DHX15: variants seen among roughly 807,000 people sequenced by gnomAD.
DHX15 encodes DEAH-box helicase 15.
DHX15 carries 11 observed loss-of-function variants against 94.4 expected under a neutral mutation model. That is an observed-to-expected ratio of 0.12 (90% CI 0.07 to 0.19). The LOEUF (loss-of-function observed/expected upper bound fraction) is 0.19. Ranked by LOEUF, DHX15 falls within the 10% of genes least tolerant of loss-of-function variation. DHX15 has a pLI of 1.00. For missense variants in DHX15, 304 were observed against 988.5 expected, an observed-to-expected ratio of 0.31 and a Z score of 9.29; for synonymous variants, 338 against 329.9, an observed-to-expected ratio of 1.02 and a Z score of -0.27.
intron 3 of DHX15, among the ~76,000 whole-genome samples, chr4:24,564,399 C>T (rs1461309517): frequency 6.6e-6 from 1 of 152,134 alleles, no homozygotes; most frequent in Admixed American, 6.5e-5. Flanking sequence ...AGAACTTCAA[C>T]CTTAATAGAA....
chr4:24,566,720 G>A (rs1215447203), intron 3 of DHX15, among the ~76,000 whole-genome samples: 6 of 152,174 alleles, frequency 3.9e-5, no homozygotes, highest in Admixed American at 3.9e-4. Context: ...CAGCTACTCG[G>A]GAGGGTGAGG....
intron 10 of DHX15, chr4:24,539,718 T>C (rs889686674): frequency 6.5e-6 from 1 of 154,140 alleles, no homozygotes; most frequent in African/African-American, 2.4e-5. Context: ...TTTCAGTTTG[T>C]CACAGGCACA....
At chr4:24,575,068 G>T (rs1722224881) in intron 2 of DHX15, among the ~76,000 whole-genome samples, 1 of 151,758 alleles carries the variant, frequency 6.6e-6, no homozygotes, top group Admixed American at 6.6e-5. Flanking sequence ...GAGGCAGGAG[G>T]ATCGCTTCAG....
At chr4:24,538,109 T>C (rs549434077) in intron 10 of DHX15, 1 of 152,294 alleles carries the variant, frequency 6.6e-6, no homozygotes, top group South Asian at 2.1e-4. Flanking sequence ...TTTCCTTAAT[T>C]CAGTTTAGCA....
intron 1 of DHX15, among the ~76,000 whole-genome samples, chr4:24,578,726 T>C (rs1292007670): frequency 6.6e-6 from 1 of 151,932 alleles, no homozygotes; most frequent in East Asian, 1.9e-4. Flanking sequence ...CCACCACGCC[T>C]CGCTAATTTC....
At chr4:24,583,990 G>C (rs562916551) in intron 1 of DHX15, among the ~76,000 whole-genome samples, 12 of 152,210 alleles carry the variant, frequency 7.9e-5, no homozygotes, top group East Asian at 1.9e-4. Context: ...CTCGGGAACC[G>C]AGGCCACGAG....
intron 3 of DHX15, among the ~76,000 whole-genome samples, chr4:24,565,126 A>C (rs1213904167): frequency 6.6e-6 from 1 of 152,264 alleles, no homozygotes; most frequent in Non-Finnish European, 1.5e-5. Flanking sequence ...AACTCACAGA[A>C]AGCTAGAATG....
At chr4:24,578,446 G>A (rs1722329868) in intron 1 of DHX15, among the ~76,000 whole-genome samples, 1 of 130,996 alleles carries the variant, frequency 7.6e-6, no homozygotes, top group Non-Finnish European at 1.7e-5. Flanking sequence ...AAAGATCATG[G>A]ATCATACAGC....
intron 1 of DHX15, among the ~76,000 whole-genome samples, chr4:24,582,748 T>C (rs1027779844): frequency 2.0e-5 from 3 of 152,206 alleles, no homozygotes; most frequent in Non-Finnish European, 4.4e-5. Context: ...CCACTTCTCA[T>C]TCCTTGATTG....
At chr4:24,557,995 G>T (rs1313089984) in intron 3 of DHX15, among the ~76,000 whole-genome samples, 1 of 146,162 alleles carries the variant, frequency 6.8e-6, no homozygotes, top group African/African-American at 2.6e-5. Context: ...AAAAAAAAAA[G>T]GATTGGTTAC....
rs1321181400 is a variant in DHX15 at position 24,550,112 on chromosome 4, A to AAAAAAAAAAC, written c.1081-1091_1081-1090insGTTTTTTTTT. Among the ~76,000 whole-genome samples, 15 of 142,982 alleles carry AAAAAAAAAAC rather than the reference A, an allele frequency of 1.0e-4. 1 individual carries two copies. In the East Asian group the frequency reaches 2.4e-3, roughly 23 times the overall value. 93.8% of individuals were successfully genotyped at this position (142,982 alleles called of 152,430 possible). On this transcript the variant is annotated intron_variant, in intron 5 of 13. Transcript: ENST00000336812. ...TCCGTCTCAAAAAAAAAAAAAAAAAAAAAAAAAAAAACGGTAAAAATCAGT... is the reference window on the plus strand; with the variant it reads ...TCCGTCTCAAAAAAAAAAAAAAAAAAAAAAAAAAACAAAAAAAAAAACGGTAAAAATCAGT...
chr4:24,540,289 A>G lies in DHX15; in HGVS notation c.1605T>C (p.Thr535=). 6.2e-7 allele frequency: 1 copy of G among 1,609,806 alleles called. No individual in the cohort carries two copies. ...FDFMDPPAPE[T]LMRALELLNY... is the part of the protein sequence containing the mutation. The stretch of plus-strand genomic sequence containing the variant: ...TCAAAAGTTCCAGGGCTCTCATCAG[A>G]GTTTCAGGAGCTAGTGGTAAAAGAC... Residue 535 remains threonine (T), a synonymous_variant, in exon 10 of 14, where the codon ACT becomes ACC. Transcript: ENST00000336812.
intron 1 of DHX15, chr4:24,580,943 C>T (rs932569901): frequency 6.6e-6 from 1 of 152,182 alleles, no homozygotes. Context: ...GGAAAACTAC[C>T]TAAATATCAA....
intron 6 of DHX15, among the ~76,000 whole-genome samples, chr4:24,547,903 G>GTGTATA (rs1721469206): frequency 1.4e-5 from 1 of 70,722 alleles, no homozygotes; most frequent in African/African-American, 6.0e-5. Context: ...GTATGTATGT[G>GTGTATA]TATATATATA....
In DHX15 at chr4:24,548,496, T is replaced by C. The variant is rs115319522; in HGVS notation, c.1248+359A>G. Among the ~76,000 whole-genome samples, 620 of 152,276 alleles carry C rather than the reference T, an allele frequency of 4.1e-3. 4 individuals are homozygous for C. The highest frequency in any genetic ancestry group is 0.014 in the African/African-American group (575 of 41,556). ...GCACAGGGTCAACATTTCACACCTA[T>C]AGACATTACATTTGGGAAGCCTTAA... is the stretch of plus-strand genomic sequence containing the variant. On this transcript the variant is annotated intron_variant, in intron 6 of 13. Transcript: ENST00000336812.
chr4:24,546,868 C>T (rs571672038), intron 6 of DHX15, among the ~76,000 whole-genome samples: 22 of 152,232 alleles, frequency 1.4e-4, no homozygotes, highest in Non-Finnish European at 2.6e-4. Flanking sequence ...TATATATTTG[C>T]TTTATGCTAG....
At chr4:24,535,995 T>C (rs568017976) in intron 11 of DHX15, among the ~76,000 whole-genome samples, 1 of 152,242 alleles carries the variant, frequency 6.6e-6, no homozygotes, top group African/African-American at 2.4e-5. Context: ...GGTGATGATG[T>C]AGGGCTATCA....
chr4:24,567,354 G>A (rs1035840083), intron 3 of DHX15, among the ~76,000 whole-genome samples: 5 of 152,052 alleles, frequency 3.3e-5, no homozygotes, highest in African/African-American at 9.7e-5. Context: ...AGAGGCGGGC[G>A]GATCACAAGG....
At chr4:24,540,760 T>C (rs1414753739) in intron 9 of DHX15, 80 bp downstream of exon 9, 19 of 754,144 alleles carry the variant, frequency 2.5e-5, no homozygotes, top group African/African-American at 3.6e-5. Context: ...TTAATACATA[T>C]ATTAAATAGG....
Sources: gnomAD v4.1 joint callset for allele counts (sites outside exome capture counted in the v4.1 genomes callset) on GRCh38, gnomAD v4.1.1 for gene constraint, MANE v1.5 for transcripts, NCBI Gene and HGNC (gene_info 2026-07-23, HGNC 2026-07-21) for gene names.